SNX25: variants seen among roughly 807,000 people sequenced by gnomAD.
SNX25 encodes the protein sorting nexin 25.
In SNX25, 62 loss-of-function variants were observed where a neutral mutation model predicts 113.7. That is an observed-to-expected ratio of 0.55 (90% CI 0.44 to 0.67). The LOEUF is 0.67. Among genes scored for constraint, SNX25 ranks in the 30% least tolerant of loss-of-function variants. SNX25 has a pLI of 0.00. For missense variants in SNX25, 1,014 were observed against 1,161.0 expected, an observed-to-expected ratio of 0.87 and a Z score of 1.84; for synonymous variants, 421 against 436.2, an observed-to-expected ratio of 0.97 and a Z score of 0.43.
At chr4:185,336,951 G>A (rs2095234043) in intron 10 of SNX25, among the ~76,000 whole-genome samples, 2 of 152,042 alleles carry the variant, frequency 1.3e-5, no homozygotes, top group African/African-American at 4.8e-5. Flanking sequence ...TTGGCCATTT[G>A]TGTATCTTCT....
In SNX25 at chr4:185,362,113, C is replaced by A; in HGVS notation, c.2833+8C>A. 6.2e-7 allele frequency: 1 copy of A among 1,604,222 alleles called. No homozygotes were observed. The highest frequency in any genetic ancestry group is 8.5e-7 in the Non-Finnish European group (1 of 1,174,262). On this transcript the variant is annotated splice_region_variant and intron_variant, in intron 17 of 18. Transcript: ENST00000652585. ...TGCTTGAAAACATTCCAGGTGAGGC[C>A]TGGGCTATTAGCCTGAAAAGCATAG... is the stretch of plus-strand genomic sequence containing the variant.
chr4:185,226,454 T>G (rs926169439), intron 1 of SNX25, among the ~76,000 whole-genome samples: 1 of 150,920 alleles, frequency 6.6e-6, no homozygotes, highest in African/African-American at 2.4e-5. Flanking sequence ...CTAAATTTTT[T>G]GTTGTTGTTT....
intron 9 of SNX25, among the ~76,000 whole-genome samples, chr4:185,325,679 G>C (rs1489258666): frequency 6.6e-6 from 1 of 152,134 alleles, no homozygotes; most frequent in Non-Finnish European, 1.5e-5. Context: ...TTCTGCAGAA[G>C]GAATCTGAGA....
chr4:185,318,000 T>G (rs1324261391), intron 7 of SNX25, among the ~76,000 whole-genome samples: 1 of 152,072 alleles, frequency 6.6e-6, no homozygotes, highest in African/African-American at 2.4e-5. Flanking sequence ...GGAAGCATTA[T>G]GAAAAGTAAA....
intron 7 of SNX25, among the ~76,000 whole-genome samples, chr4:185,312,946 C>G (rs1159377736): frequency 6.6e-6 from 1 of 152,158 alleles, no homozygotes; most frequent in Non-Finnish European, 1.5e-5. Flanking sequence ...AGACAGAATT[C>G]CAATAGTTAT....
chr4:185,301,834 G>A (rs916597875), intron 6 of SNX25, among the ~76,000 whole-genome samples: 4 of 151,990 alleles, frequency 2.6e-5, no homozygotes, highest in South Asian at 2.1e-4. Context: ...TGATTGGCCC[G>A]CCTTGGCCTT....
intron 5 of SNX25, among the ~76,000 whole-genome samples, chr4:185,279,889 T>C (rs1016813852): frequency 1.3e-5 from 2 of 152,094 alleles, no homozygotes; most frequent in African/African-American, 4.8e-5. Context: ...GTTGTTGTTG[T>C]TTTGTTGTTT....
At chr4:185,218,637 A>G (rs1485976965) in intron 1 of SNX25, among the ~76,000 whole-genome samples, 2 of 152,196 alleles carry the variant, frequency 1.3e-5, no homozygotes, top group African/African-American at 2.4e-5. Flanking sequence ...AAAAATGAAT[A>G]TGGTAACTCC....
intron 15 of SNX25, among the ~76,000 whole-genome samples, chr4:185,354,749 C>T (rs1000600054): frequency 2.0e-5 from 3 of 152,230 alleles, no homozygotes; most frequent in African/African-American, 7.2e-5. Context: ...TAATGCTACT[C>T]TCCGTCCACA....
At chr4:185,287,879 A>G in intron 5 of SNX25, 133 bp from the exon 6 acceptor site, 2 of 734,886 alleles carry the variant, frequency 2.7e-6, no homozygotes, top group South Asian at 2.2e-5. Context: ...ATGTCGGATT[A>G]TTTTATGGAG....
intron 10 of SNX25, among the ~76,000 whole-genome samples, chr4:185,335,824 G>A (rs543525472): frequency 1.3e-5 from 2 of 152,296 alleles, no homozygotes; most frequent in Admixed American, 6.5e-5. Flanking sequence ...GTAACATAGA[G>A]TGACACCTGC....
At chr4:185,340,295 G>A (rs1204792182) in intron 11 of SNX25, among the ~76,000 whole-genome samples, 3 of 152,040 alleles carry the variant, frequency 2.0e-5, no homozygotes, top group Non-Finnish European at 2.9e-5. Flanking sequence ...GTTGGGAGAG[G>A]GTCAAAATTC....
intron 1 of SNX25, among the ~76,000 whole-genome samples, chr4:185,243,946 C>G (rs908284483): frequency 1.3e-5 from 2 of 152,182 alleles, no homozygotes; most frequent in African/African-American, 4.8e-5. Flanking sequence ...CATATTCATA[C>G]CCAGCCCTTA....
rs563295088 is a variant in SNX25 at position 185,237,041 on chromosome 4, T to C, written c.430-10253T>C. On this transcript the variant is annotated intron_variant, in intron 1 of 18. Coordinates refer to ENST00000652585, the MANE Select transcript of SNX25 (RefSeq NM_001378034.2). ...GAAATAACAGTTTAAAAAGAAATTA[T>C]AGCATTTTTGAAATTTAGGAAAACA... Among the ~76,000 whole-genome samples, 56 of 152,318 alleles carry C rather than the reference T, an allele frequency of 3.7e-4. No individual in the cohort carries two copies. The South Asian group carries it at 7.0e-3, about 19-fold the overall frequency.
intron 9 of SNX25, among the ~76,000 whole-genome samples, chr4:185,326,237 C>T (rs1422830221): frequency 6.6e-6 from 1 of 152,168 alleles, no homozygotes; most frequent in Non-Finnish European, 1.5e-5. Context: ...AGAAAGGTCA[C>T]TCCAGTCTCC....
intron 1 of SNX25, among the ~76,000 whole-genome samples, chr4:185,245,367 A>G (rs1412415079): frequency 6.6e-6 from 1 of 151,622 alleles, no homozygotes; most frequent in Non-Finnish European, 1.5e-5. Context: ...TCCCAGACAG[A>G]GTCTTGCTCT....
At chr4:185,234,370 A>G (rs1216086127) in intron 1 of SNX25, among the ~76,000 whole-genome samples, 1 of 152,242 alleles carries the variant, frequency 6.6e-6, no homozygotes, top group Non-Finnish European at 1.5e-5. Context: ...TTTTTCGGAA[A>G]GGAAATTAAC....
downstream of SNX25, among the ~76,000 whole-genome samples, chr4:185,373,895 T>C (rs1164997430): frequency 6.6e-6 from 1 of 152,214 alleles, no homozygotes; most frequent in African/African-American, 2.4e-5. Context: ...TTCTCTTCTT[T>C]TAGCTTTGAT....
intron 6 of SNX25, among the ~76,000 whole-genome samples, chr4:185,295,269 T>C (rs949297962): frequency 6.6e-6 from 1 of 152,186 alleles, no homozygotes; most frequent in African/African-American, 2.4e-5. Flanking sequence ...TTCTCCTTAT[T>C]GCTGCATTCT....
Sources: gnomAD v4.1 joint callset for allele counts (sites outside exome capture counted in the v4.1 genomes callset) on GRCh38, gnomAD v4.1.1 for gene constraint, MANE v1.5 for transcripts, NCBI Gene and HGNC (gene_info 2026-07-23, HGNC 2026-07-21) for gene names.